The following AGBL4 variants were observed in gnomAD, a reference collection of about 807,000 sequenced individuals.
AGBL4 encodes the protein AGBL carboxypeptidase 4.
In AGBL4, 58 loss-of-function variants were observed where a neutral mutation model predicts 66.4. The observed-to-expected ratio is 0.87, with a 90% CI of 0.71 to 1.09. The LOEUF (loss-of-function observed/expected upper bound fraction) is 1.09. Ranked by LOEUF, AGBL4 falls within the 50% of genes least tolerant of loss-of-function variation. AGBL4 has a pLI of 0.00. For synonymous variants in AGBL4, 234 were observed against 222.9 expected, an observed-to-expected ratio of 1.05 and a Z score of -0.44; for missense variants, 579 against 631.0, an observed-to-expected ratio of 0.92 and a Z score of 0.88.
At chr1:49,765,583 C>T (rs1652673035) in intron 2 of AGBL4, among the ~76,000 whole-genome samples, 1 of 151,958 alleles carries the variant, frequency 6.6e-6, no homozygotes, top group Non-Finnish European at 1.5e-5. Flanking sequence ...ACTAGCTCTC[C>T]AGAAATGGTC....
At chr1:48,746,702 T>C (rs962806322) in intron 6 of AGBL4, among the ~76,000 whole-genome samples, 1 of 152,176 alleles carries the variant, frequency 6.6e-6, no homozygotes, top group African/African-American at 2.4e-5. Flanking sequence ...TCCCAGCTCA[T>C]GACTTTGAAG....
chr1:49,834,640 C>A (rs1645796699), intron 2 of AGBL4, among the ~76,000 whole-genome samples: 2 of 151,980 alleles, frequency 1.3e-5, no homozygotes, highest in African/African-American at 2.4e-5. Flanking sequence ...TCTTTTGATT[C>A]TCTAGTTCTT....
intron 1 of AGBL4, among the ~76,000 whole-genome samples, chr1:49,942,934 C>T (rs1468968693): frequency 4.6e-5 from 7 of 152,022 alleles, no homozygotes; most frequent in Non-Finnish European, 1.0e-4. Flanking sequence ...ATACAAAATA[C>T]ATAGGCAACT....
chr1:49,129,497 T>A (rs1025438743), intron 4 of AGBL4, among the ~76,000 whole-genome samples: 7 of 151,058 alleles, frequency 4.6e-5, no homozygotes, highest in Non-Finnish European at 7.4e-5. Flanking sequence ...CAGAGTGTGA[T>A]GCTCCCCTTC....
chr1:49,842,802 G>T (rs527867491), intron 2 of AGBL4, among the ~76,000 whole-genome samples: 2 of 152,330 alleles, frequency 1.3e-5, no homozygotes, highest in African/African-American at 4.8e-5. Flanking sequence ...CTTGAAGCCT[G>T]AGCCATGAGG....
intron 9 of AGBL4, among the ~76,000 whole-genome samples, chr1:48,601,511 G>A (rs988669356): frequency 5.9e-5 from 9 of 152,162 alleles, no homozygotes; most frequent in East Asian, 5.8e-4. Flanking sequence ...GAAGAAGTGC[G>A]AGTACTATGG....
intron 3 of AGBL4, among the ~76,000 whole-genome samples, chr1:49,468,894 A>T (rs569649129): frequency 1.3e-5 from 2 of 151,952 alleles, no homozygotes; most frequent in Admixed American, 1.3e-4. Context: ...GTACACGTAC[A>T]TTTGTGAAAT....
intron 6 of AGBL4, among the ~76,000 whole-genome samples, chr1:48,707,664 C>A (rs1480560092): frequency 6.6e-6 from 1 of 152,130 alleles, no homozygotes; most frequent in East Asian, 1.9e-4. Context: ...TTACATAAGC[C>A]CAAGCTCCAT....
chr1:49,205,178 CTTA>C (rs1274764305), intron 4 of AGBL4, among the ~76,000 whole-genome samples: 1 of 152,094 alleles, frequency 6.6e-6, no homozygotes, highest in Non-Finnish European at 1.5e-5. Context: ...AATTTCATTT[CTTA>C]TTGATTCCCC....
At chr1:49,132,258 C>A (rs944027119) in intron 4 of AGBL4, among the ~76,000 whole-genome samples, 2 of 151,792 alleles carry the variant, frequency 1.3e-5, no homozygotes, top group African/African-American at 4.8e-5. Flanking sequence ...TCATTGTTGG[C>A]CTATACAGAG....
intron 2 of AGBL4, among the ~76,000 whole-genome samples, chr1:49,814,996 C>T (rs966706295): frequency 6.6e-6 from 1 of 152,158 alleles, no homozygotes; most frequent in African/African-American, 2.4e-5. Flanking sequence ...TTCATCCCCT[C>T]AAGCGTTTAT....
intron 1 of AGBL4, among the ~76,000 whole-genome samples, chr1:49,909,429 G>T (rs1650600319): frequency 6.6e-6 from 1 of 152,246 alleles, no homozygotes; most frequent in East Asian, 1.9e-4. Flanking sequence ...AAAGTAAGGG[G>T]ACGTAAGCCA....
intron 3 of AGBL4, among the ~76,000 whole-genome samples, chr1:49,683,418 G>A (rs974409152): frequency 2.0e-5 from 3 of 152,142 alleles, no homozygotes; most frequent in African/African-American, 4.8e-5. Flanking sequence ...ACAGCCACAG[G>A]CACTCATTAT....
rs114047351 is a variant in AGBL4 at position 49,266,777 on chromosome 1, C to T, written c.283-20913G>A. On this transcript the variant is annotated intron_variant, in intron 3 of 13. Transcript: ENST00000371839. ...CAAAGGCTAAGTGGTAATTCTGGGG[C>T]TGGGTAGGGCAAGAGATCAGACTGT... 4.2e-3 allele frequency among the ~76,000 whole-genome samples: 633 copies of T among 152,170 alleles called. 3 individuals carry two copies. The highest frequency in any genetic ancestry group is 6.8e-3 in the Middle Eastern group (2 of 292).
intron 6 of AGBL4, among the ~76,000 whole-genome samples, chr1:48,690,902 C>A (rs924587880): frequency 6.6e-6 from 1 of 152,038 alleles, no homozygotes. Context: ...GCATGGCTCA[C>A]GCCTGTAATC....
intron 4 of AGBL4, among the ~76,000 whole-genome samples, chr1:49,243,056 T>C (rs1651361321): frequency 6.6e-6 from 1 of 151,238 alleles, no homozygotes; most frequent in African/African-American, 2.4e-5. Context: ...CATATATATA[T>C]ATACACACAC....
intron 3 of AGBL4, among the ~76,000 whole-genome samples, chr1:49,560,582 C>T (rs373119342): frequency 3.9e-5 from 6 of 152,164 alleles, no homozygotes; most frequent in East Asian, 1.9e-4. Flanking sequence ...ACTTCCCAAA[C>T]GCAGAGAAAG....
intron 9 of AGBL4, among the ~76,000 whole-genome samples, chr1:48,616,912 C>T (rs541361129): frequency 1.2e-4 from 18 of 152,344 alleles, no homozygotes; most frequent in African/African-American, 2.6e-4. Context: ...ACACCTCCAA[C>T]GGCTGGTTTC....
chr1:49,561,705 CATT>C (rs898619206), intron 3 of AGBL4, among the ~76,000 whole-genome samples: 16 of 152,212 alleles, frequency 1.1e-4, no homozygotes, highest in African/African-American at 2.4e-4. Flanking sequence ...TCCAGTCTAT[CATT>C]GTTGGATATT....
Sources: gnomAD v4.1 joint callset for allele counts (sites outside exome capture counted in the v4.1 genomes callset) on GRCh38, gnomAD v4.1.1 for gene constraint, MANE v1.5 for transcripts, NCBI Gene and HGNC (gene_info 2026-07-23, HGNC 2026-07-21) for gene names.